PDZD2: variants seen among roughly 807,000 people sequenced by gnomAD.
The protein encoded by PDZD2 is PDZ domain containing 2.
PDZD2 carries 90 observed loss-of-function variants against 220.7 expected under a neutral mutation model. The observed-to-expected ratio is 0.41, with a 90% CI of 0.34 to 0.49. PDZD2 has a LOEUF of 0.49. PDZD2 is among the 20% of genes least tolerant of loss of function. The pLI is 0.28. For synonymous variants in PDZD2, 1,375 were observed against 1,450.5 expected, an observed-to-expected ratio of 0.95 and a Z score of 1.18; for missense variants, 3,174 against 3,608.5, an observed-to-expected ratio of 0.88 and a Z score of 3.08.
At chr5:32,086,936 G>A (rs1450119794) in intron 19 of PDZD2, among the ~76,000 whole-genome samples, 195 bp from the exon 20 acceptor site, 7 of 142,278 alleles carry the variant, frequency 4.9e-5, no homozygotes, top group South Asian at 2.3e-4. Context: ...TGATCCACCC[G>A]CCTCCGCCTC....
chr5:31,782,707 A>ATTTTTTT (rs34166035), intron 1 of PDZD2, among the ~76,000 whole-genome samples: 1 of 96,512 alleles, frequency 1.0e-5, no homozygotes. Flanking sequence ...ACCACTTTAG[A>ATTTTTTT]TTTTTTTTTT....
intron 6 of PDZD2, among the ~76,000 whole-genome samples, chr5:32,023,758 C>A (rs2112152135): frequency 6.6e-6 from 1 of 152,278 alleles, no homozygotes; most frequent in Non-Finnish European, 1.5e-5. Context: ...ATGGGTAGGG[C>A]TAGAGTATGA....
intron 6 of PDZD2, among the ~76,000 whole-genome samples, chr5:32,012,592 T>G (rs1753414192): frequency 6.6e-6 from 1 of 151,868 alleles, no homozygotes. Context: ...TTCACTGTGT[T>G]GCCCAGGCTG....
In PDZD2 at chr5:31,885,932, A is replaced by T. The variant is rs187736999; in HGVS notation, c.476+86208A>T. On this transcript the variant is annotated intron_variant, in intron 2 of 24. Transcript: ENST00000438447. ...AGTTAGTTTTTTGGTTTTTTTTTTT[A>T]AAATAATTTCTCTTTTTCTCCAGGC... Among the ~76,000 whole-genome samples the T allele has an allele frequency of 6.6e-3, 843 of 127,292 alleles. 8 individuals carry two copies. Among genetic ancestry groups the T allele is most frequent in the East Asian group, 0.017 (77 of 4,652 alleles). The allele number at this position is 127,292 out of a possible 152,430, so 83.5% of individuals were successfully genotyped here.
At chr5:31,800,447 C>CCTGTGT (rs1388548137) in intron 2 of PDZD2, among the ~76,000 whole-genome samples, 1 of 152,114 alleles carries the variant, frequency 6.6e-6, no homozygotes, top group Non-Finnish European at 1.5e-5. Context: ...ACATGGAGTA[C>CCTGTGT]CTGTGTGGCT....
chr5:31,654,590 C>T (rs1745475459), intron 1 of PDZD2, among the ~76,000 whole-genome samples: 1 of 152,162 alleles, frequency 6.6e-6, no homozygotes, highest in African/African-American at 2.4e-5. Flanking sequence ...CAAACTTTAA[C>T]ATCTGAAACT....
chr5:32,080,906 C>G (rs911495819), intron 19 of PDZD2, among the ~76,000 whole-genome samples: 3 of 151,954 alleles, frequency 2.0e-5, no homozygotes, highest in Non-Finnish European at 1.5e-5. Flanking sequence ...ACATCACACA[C>G]TGGAGCCTGT....
chr5:32,098,247 A>G lies in PDZD2; in HGVS notation c.7948-117A>G. On this transcript the variant is annotated intron_variant, in intron 22 of 24. Coordinates refer to ENST00000438447, the MANE Select transcript of PDZD2 (RefSeq NM_178140.4). The surrounding 1 kb of genome is among the most constrained non-coding windows in gnomAD (Gnocchi z 4.1). ...ACACAGCGAGACTCCCTCTCAAAAA[A>G]TAAAAATAAAAAAGGAAGGTTCCTT... 9.6e-7 allele frequency: 1 copy of G among 1,037,842 alleles called. No homozygotes were observed. The highest frequency in any genetic ancestry group is 1.7e-5 in the South Asian group (1 of 59,702). 64.3% of individuals were successfully genotyped at this position (1,037,842 alleles called of 1,614,324 possible).
intron 2 of PDZD2, chr5:31,840,399 TATATA>T (rs1757200805): frequency 1.7e-3 from 6 of 3,476 alleles, no homozygotes; most frequent in East Asian, 0.021. Flanking sequence ...ATTTTCATTA[TATATA>T]TATATATATA....
intron 2 of PDZD2, among the ~76,000 whole-genome samples, chr5:31,837,724 C>A (rs1371141322): frequency 2.7e-5 from 4 of 148,618 alleles, no homozygotes; most frequent in African/African-American, 4.9e-5. Flanking sequence ...GACTCCATCT[C>A]AAAAAAATAA....
chr5:32,077,725 G>A (rs1741436075), intron 19 of PDZD2, 119 bp downstream of exon 19: 1 of 1,019,882 alleles, frequency 9.8e-7, no homozygotes, highest in African/African-American at 1.6e-5. Context: ...GGGAGGCCGA[G>A]GTGGGCGGAC....
At position 32,089,473 on chromosome 5, in the gene PDZD2, C is replaced by G; in HGVS notation, c.6025C>G (p.Pro2009Ala). 1 of 1,613,708 alleles carries G rather than the reference C, an allele frequency of 6.2e-7. No homozygotes were observed. The highest frequency in any genetic ancestry group is 8.5e-7 in the Non-Finnish European group (1 of 1,180,024). ...SRFHMAVLSE[P>A]DRGCPTTPKS... ...GTTCCACATGGCTGTCCTCTCTGAA[C>G]CCGACAGAGGTTGCCCAACCACCCC... Residue 2009 changes from proline to alanine, a missense_variant, in exon 20 of 25, where the codon CCC (proline) becomes GCC (alanine). By Grantham distance (27) the Pro-to-Ala change is conservative. Coordinates refer to ENST00000438447, the MANE Select transcript of PDZD2 (RefSeq NM_178140.4).
chr5:31,902,798 C>T (rs1369463287), intron 2 of PDZD2, among the ~76,000 whole-genome samples: 1 of 151,774 alleles, frequency 6.6e-6, no homozygotes, highest in African/African-American at 2.4e-5. Flanking sequence ...ACCTAGGAGG[C>T]GGAGGTTGCA....
intron 1 of PDZD2, among the ~76,000 whole-genome samples, chr5:31,714,606 A>G (rs1170936449): frequency 6.6e-6 from 1 of 152,132 alleles, no homozygotes; most frequent in Non-Finnish European, 1.5e-5. Flanking sequence ...GGTGCTTATA[A>G]TCCCATATCT....
At chr5:31,873,562 T>TTTA (rs1324574470) in intron 2 of PDZD2, among the ~76,000 whole-genome samples, 1 of 150,500 alleles carries the variant, frequency 6.6e-6, no homozygotes, top group African/African-American at 2.4e-5. Context: ...TATTTATTTA[T>TTTA]TTATTTATTT....
At chr5:32,049,340 G>A (rs1028401950) in intron 8 of PDZD2, among the ~76,000 whole-genome samples, 1 of 152,186 alleles carries the variant, frequency 6.6e-6, no homozygotes, top group Admixed American at 6.5e-5. Flanking sequence ...AACCTGTGGG[G>A]TATTCTTTGA....
chr5:32,067,324 A>G (rs1456853715), intron 14 of PDZD2, among the ~76,000 whole-genome samples: 2 of 152,172 alleles, frequency 1.3e-5, no homozygotes, highest in Admixed American at 1.3e-4. Context: ...CTCCTAGTCA[A>G]AAAAAACAAT....
chr5:31,874,422 AC>A (rs373262405), intron 2 of PDZD2, among the ~76,000 whole-genome samples: 209 of 152,288 alleles, frequency 1.4e-3, no homozygotes, highest in African/African-American at 4.8e-3. Context: ...ATGAAGAAAT[AC>A]TAGATTTAAC....
chr5:32,066,079 A>C lies in PDZD2; in HGVS notation c.2452-3490A>C, dbSNP rs1222791819. On this transcript the variant is annotated intron_variant, in intron 14 of 24. Transcript: ENST00000438447. ...AAGTACCAGCTGGGCGCAGTAGCTC[A>C]CATGTGTAATCCGAGCACTTTGCAA... is the stretch of plus-strand genomic sequence containing the variant. 2.6e-5 allele frequency among the ~76,000 whole-genome samples: 4 copies of C among 152,098 alleles called. No individual in the cohort carries two copies. The East Asian group carries it at 7.7e-4, about 29-fold the overall frequency.
Sources: allele counts gnomAD v4.1 joint callset (sites outside exome capture counted in the v4.1 genomes callset), GRCh38; gene constraint gnomAD v4.1.1; non-coding constraint Gnocchi (gnomAD v3.1); transcripts MANE v1.5; gene names NCBI Gene and HGNC (gene_info 2026-07-23, HGNC 2026-07-21).